Variants in FLVCR1 observed in about 807,000 individuals in gnomAD.
FLVCR1 encodes the protein choline/ethanolamine transporter FLVCR1.
In FLVCR1, 34 loss-of-function variants were observed where a neutral mutation model predicts 53.6. The ratio of observed to expected loss-of-function variants is 0.63; its 90% CI spans 0.48 to 0.84. The LOEUF is 0.84. Among genes scored for constraint, FLVCR1 ranks in the 40% least tolerant of loss-of-function variants. FLVCR1 has a pLI of 0.00. For missense variants in FLVCR1, 677 were observed against 696.7 expected (o/e 0.97, Z 0.32); for synonymous variants, 300 against 286.3 (o/e 1.05, Z -0.48).
Position 212,896,458 on chromosome 1 carries a change from T to C in FLVCR1, c.*1168T>C, listed in dbSNP as rs1017837115. The C allele has an allele frequency of 6.6e-6, 1 of 152,186 alleles. No individual in the cohort carries two copies. Among genetic ancestry groups the C allele is most frequent in the Non-Finnish European group, 1.5e-5 (1 of 68,026 alleles). 9.4% of individuals were successfully genotyped at this position (152,186 alleles called of 1,614,324 possible). ...ACACTGTTAGAATAGTCTGCTCTTT[T>C]ACATGCTCAGGTAGGGAAAATAGGA... On this transcript the variant is annotated 3_prime_UTR_variant, in exon 10 of 10. Coordinates refer to ENST00000366971, the MANE Select transcript of FLVCR1 (RefSeq NM_014053.4).
Position 212,858,709 on chromosome 1 carries a change from C to T in FLVCR1, c.257C>T (p.Ala86Val), listed in dbSNP as rs1034483766. ...CAGGCCCGGCTGCTGCCTGCGGGCG[C>T]GGGAGCTGAGACCCCGGGGGCCGAG... ...ETQARLLPAG[A>V]GAETPGAESS... The change falls in exon 1 of 10, where the codon GCG becomes GTG. Residue 86 changes from alanine to valine, a missense_variant. Ala to Val is a moderately conservative substitution (Grantham distance 64). Transcript: ENST00000366971. 1.3e-6 allele frequency: 2 copies of T among 1,597,994 alleles called. No individual in the cohort carries two copies. The highest frequency in any genetic ancestry group is 1.1e-5 in the South Asian group (1 of 89,806).
At chr1:212,886,968 A>T (rs1191536746) in intron 5 of FLVCR1, among the ~76,000 whole-genome samples, 1 of 152,198 alleles carries the variant, frequency 6.6e-6, no homozygotes, top group Non-Finnish European at 1.5e-5. Flanking sequence ...ATTTTGTAAC[A>T]TGCCAAAACT....
chr1:212,865,293 C>T (rs1396134140), intron 2 of FLVCR1, among the ~76,000 whole-genome samples: 2 of 143,322 alleles, frequency 1.4e-5, no homozygotes, highest in Non-Finnish European at 3.0e-5. Flanking sequence ...CCCCATCCCA[C>T]AATAGGTCCC....
chr1:212,859,160 A>G lies in FLVCR1; in HGVS notation c.708A>G (p.Thr236=). Residue 236 remains threonine (T), a synonymous_variant, in exon 1 of 10, where the codon ACA becomes ACG. Coordinates refer to ENST00000366971, the MANE Select transcript of FLVCR1 (RefSeq NM_014053.4). ...GGTTTGGGCCCAAAGAGGTGTCCACAGCTTGTGCCACCGCCGTGCTGGGCA... is the reference window on the plus strand; with the variant it reads ...GGTTTGGGCCCAAAGAGGTGTCCACGGCTTGTGCCACCGCCGTGCTGGGCA... ...SVWFGPKEVS[T]ACATAVLGNQ... 6.2e-7 allele frequency: 1 copy of G among 1,614,002 alleles called. No homozygotes were observed. Among genetic ancestry groups the G allele is most frequent in the Non-Finnish European group, 8.5e-7 (1 of 1,180,036 alleles).
chr1:212,878,966 G>A, intron 3 of FLVCR1, among the ~76,000 whole-genome samples: 1 of 150,552 alleles, frequency 6.6e-6, no homozygotes, highest in Non-Finnish European at 1.5e-5. Context: ...TGCAGTCTGG[G>A]TGACAAAGTG....
rs1436416290 is a variant in FLVCR1 at position 212,896,219 on chromosome 1, A to G, written c.*929A>G. 2 of 151,460 alleles carry G rather than the reference A, an allele frequency of 1.3e-5. No individual in the cohort carries two copies. Among genetic ancestry groups the G allele is most frequent in the South Asian group, 2.1e-4 (1 of 4,810 alleles). The allele number at this position is 151,460 out of a possible 1,614,324, so 9.4% of individuals were successfully genotyped here. On this transcript the variant is annotated 3_prime_UTR_variant, in exon 10 of 10. Transcript: ENST00000366971. ...GCTATTTCATGATTTCATGTATCAC[A>G]TCGTATATTTTGCCTTGAAGATTCC...
At chr1:212,893,849 C>T (rs935015022) in intron 8 of FLVCR1, among the ~76,000 whole-genome samples, 1 of 152,174 alleles carries the variant, frequency 6.6e-6, no homozygotes, top group Non-Finnish European at 1.5e-5. Context: ...CATCTGGGCT[C>T]ACTGCAACCT....
chr1:212,879,616 T>C (rs1460086312), intron 3 of FLVCR1, among the ~76,000 whole-genome samples: 1 of 152,162 alleles, frequency 6.6e-6, no homozygotes, highest in Non-Finnish European at 1.5e-5. Flanking sequence ...AGTGTAGTGG[T>C]GTGATCTCTG....
intron 3 of FLVCR1, among the ~76,000 whole-genome samples, chr1:212,879,952 C>A (rs1159928291): frequency 6.7e-6 from 1 of 149,616 alleles, no homozygotes; most frequent in African/African-American, 2.4e-5. Flanking sequence ...AGATACCATA[C>A]TCTAGGTTCA....
At chr1:212,879,680 G>A (rs758492999) in intron 3 of FLVCR1, among the ~76,000 whole-genome samples, 9 of 151,942 alleles carry the variant, frequency 5.9e-5, no homozygotes, top group African/African-American at 9.7e-5. Flanking sequence ...CTCTGGCTCC[G>A]GAGTAGTTGA....
At chr1:212,885,237 A>G in intron 4 of FLVCR1, 56 bp from the exon 5 acceptor site, 17 of 1,120,478 alleles carry the variant, frequency 1.5e-5, no homozygotes, top group Non-Finnish European at 2.3e-5. Flanking sequence ...GAATGTGAAG[A>G]GTCTGAATTA....
At chr1:212,862,796 C>T (rs2102534435) in intron 1 of FLVCR1, among the ~76,000 whole-genome samples, 1 of 152,280 alleles carries the variant, frequency 6.6e-6, no homozygotes, top group East Asian at 1.9e-4. Context: ...TATAGTCCCA[C>T]CAGCCGTATT....
chr1:212,883,412 A>C lies in FLVCR1; in HGVS notation c.1066A>C (p.Asn356His). ...GAFYSVSTLL[N>H]QMILTYYEGE... ...CTTTTATTCAGTCTCAACGTTATTAAATCAAATGATATTGACATATTATGA... is the reference window on the plus strand; with the variant it reads ...CTTTTATTCAGTCTCAACGTTATTACATCAAATGATATTGACATATTATGA... Residue 356 changes from asparagine (N) to histidine (H), a missense_variant, in exon 4 of 10, where the codon AAT (asparagine) becomes CAT (histidine). Asn to His is a moderately conservative substitution (Grantham distance 68). Coordinates refer to ENST00000366971, the MANE Select transcript of FLVCR1 (RefSeq NM_014053.4). 1.3e-6 allele frequency: 2 copies of C among 1,584,548 alleles called. No homozygotes were observed. Among genetic ancestry groups the C allele is most frequent in the Non-Finnish European group, 1.7e-6 (2 of 1,155,338 alleles).
intron 8 of FLVCR1, among the ~76,000 whole-genome samples, chr1:212,893,265 C>T (rs191942283): frequency 1.2e-3 from 184 of 152,118 alleles, no homozygotes; most frequent in Middle Eastern, 3.4e-3. Context: ...CCATGTTAGC[C>T]AGGATGGTTT....
rs961875915 is a variant in FLVCR1, at chr1:212,893,068, G to GC, written c.1526-1918_1526-1917insC. Among the ~76,000 whole-genome samples the GC allele has an allele frequency of 1.3e-4, 9 of 67,550 alleles. 1 individual carries two copies. In the East Asian group the frequency reaches 2.8e-3, roughly 21 times the overall value. 44.3% of individuals were successfully genotyped at this position (67,550 alleles called of 152,430 possible). A position where few individuals can be genotyped will look rare whatever the true frequency, so the allele number is the denominator to read the frequency against. On this transcript the variant is annotated intron_variant, in intron 8 of 9. Coordinates refer to ENST00000366971, the MANE Select transcript of FLVCR1 (RefSeq NM_014053.4). ...TGAAGGGTTGCTTCTTTTTTTTTGG[G>GC]GGGGGGTGCCGGAATGTTGCTGTGT...
Position 212,858,699 on chromosome 1 carries a change from C to A in FLVCR1, c.247C>A (p.Pro83Thr). 7 of 1,590,246 alleles carry A rather than the reference C, an allele frequency of 4.4e-6. No homozygotes were observed. The highest frequency in any genetic ancestry group is 5.1e-6 in the Non-Finnish European group (6 of 1,170,572). ...PEEETQARLL[P>T]AGAGAETPGA... is the part of the protein sequence containing the mutation. ...AGAGGAGACCCAGGCCCGGCTGCTG[C>A]CTGCGGGCGCGGGAGCTGAGACCCC... The change falls in exon 1 of 10, where the codon CCT (proline) becomes ACT (threonine). Residue 83 changes from proline (P) to threonine (T), a missense_variant. Physicochemically the swap from Pro to Thr is conservative, Grantham distance 38 (BLOSUM62 -1). Transcript: ENST00000366971.
In FLVCR1 at chr1:212,889,197, G is replaced by T. The variant is rs753674716; in HGVS notation, c.1465G>T (p.Gly489Cys). 2 of 1,613,840 alleles carry T rather than the reference G, an allele frequency of 1.2e-6. No individual in the cohort carries two copies. The highest frequency in any genetic ancestry group is 1.1e-5 in the South Asian group (1 of 91,068). The change falls in exon 8 of 10, where the codon GGT becomes TGT. Residue 489 changes from glycine to cysteine, a missense_variant. Gly to Cys is a radical substitution (Grantham distance 159). Coordinates refer to ENST00000366971, the MANE Select transcript of FLVCR1 (RefSeq NM_014053.4). ...TCAAGGAAAGCTCACATCAGACTAT[G>T]GTCCTAAGGCAGGGAACATTTTTCT... ...LAQGKLTSDY[G>C]PKAGNIFLCV... is the part of the protein sequence containing the mutation.
In FLVCR1 at chr1:212,891,440, G is replaced by A. The variant is rs576562982; in HGVS notation, c.1525+2183G>A. ...AGCCTGGGTGACAAAGTGAGACTCCGTCTCAAAAAAAAAAACAGTATTATT... is the reference window on the plus strand; with the variant it reads ...AGCCTGGGTGACAAAGTGAGACTCCATCTCAAAAAAAAAAACAGTATTATT... On this transcript the variant is annotated intron_variant, in intron 8 of 9. Transcript: ENST00000366971. Among the ~76,000 whole-genome samples the A allele has an allele frequency of 1.0e-4, 9 of 89,078 alleles. No individual in the cohort carries two copies. The South Asian group carries it at 2.9e-3, about 29-fold the overall frequency. The allele number at this position is 89,078 out of a possible 152,430, so 58.4% of individuals were successfully genotyped here. A position where few individuals can be genotyped will look rare whatever the true frequency, so the allele number is the denominator to read the frequency against.
intron 3 of FLVCR1, among the ~76,000 whole-genome samples, chr1:212,881,740 G>A (rs1310770273): frequency 1.3e-5 from 2 of 152,102 alleles, no homozygotes; most frequent in African/African-American, 4.8e-5. Context: ...ATCTTTTCTA[G>A]GAAGACATTA....
Sources: gnomAD v4.1 joint callset for allele counts (sites outside exome capture counted in the v4.1 genomes callset) on GRCh38, gnomAD v4.1.1 for gene constraint, MANE v1.5 for transcripts, NCBI Gene and HGNC (gene_info 2026-07-23, HGNC 2026-07-21) for gene names.